CASK: variants seen among roughly 807,000 people sequenced by gnomAD.
CASK encodes the protein peripheral plasma membrane protein CASK.
CASK carries 4 observed loss-of-function variants against 82.9 expected under a neutral mutation model. That is an observed-to-expected ratio of 0.05 (90% confidence interval 0.02 to 0.11). CASK has a LOEUF of 0.11. CASK is among the 10% of genes least tolerant of loss of function. The pLI, the probability that CASK is intolerant of heterozygous loss-of-function variation, is 1.00. For missense variants in CASK, 358 were observed against 720.9 expected, an observed-to-expected ratio of 0.50 and a Z score of 5.76; for synonymous variants, 259 against 253.5, an observed-to-expected ratio of 1.02 and a Z score of -0.20.
At chrX:41,560,484 A>G (rs1352573764) in intron 17 of CASK, among the ~76,000 whole-genome samples, 1 of 104,941 alleles carries the variant, frequency 9.5e-6, no homozygotes, top group Non-Finnish European at 2.0e-5. Context: ...GGCTGGTCTC[A>G]AACTCCCGAC....
chrX:41,586,707 A>C, intron 14 of CASK, 200 bp downstream of exon 14: 1 of 406,085 alleles, frequency 2.5e-6, no homozygotes, highest in Non-Finnish European at 4.3e-6. Context: ...CACTTCACCA[A>C]GAGTATCTTT....
intron 1 of CASK, among the ~76,000 whole-genome samples, chrX:41,922,413 T>C (rs139049744): frequency 0.021 from 2,387 of 111,247 alleles, 35 homozygotes; most frequent in Admixed American, 0.05. Context: ...AGGAGGGAAT[T>C]TGCTGAAACT....
intron 1 of CASK, among the ~76,000 whole-genome samples, chrX:41,877,334 A>G (rs2071845375): frequency 1.8e-5 from 2 of 111,672 alleles, no homozygotes; most frequent in African/African-American, 6.5e-5. Flanking sequence ...CTTTGTACAG[A>G]TGAGTAACTT....
chrX:41,696,724 C>T (rs1374863640), intron 5 of CASK: 2 of 1,204,395 alleles, frequency 1.7e-6, no homozygotes, highest in Non-Finnish European at 2.2e-6. Context: ...CCAGGATACT[C>T]CCTGCATGAT....
chrX:41,846,782 C>T (rs545205199), intron 2 of CASK, among the ~76,000 whole-genome samples: 8 of 111,773 alleles, frequency 7.2e-5, no homozygotes, highest in African/African-American at 2.6e-4. Context: ...TAAATAACTA[C>T]GTTTAGTATT....
chrX:41,656,437 G>T (rs982759279), intron 8 of CASK, among the ~76,000 whole-genome samples: 6 of 111,976 alleles, frequency 5.4e-5, no homozygotes, highest in African/African-American at 1.9e-4. Context: ...AAAAAAGCCA[G>T]AACAGAAGAT....
chrX:41,680,819 G>A (rs1275896907), intron 5 of CASK, among the ~76,000 whole-genome samples: 2 of 110,519 alleles, frequency 1.8e-5, no homozygotes, highest in African/African-American at 6.6e-5. Flanking sequence ...GGAGGCTGAG[G>A]CAGGAGAATC....
intron 24 of CASK, among the ~76,000 whole-genome samples, chrX:41,534,228 A>G (rs1170069703): frequency 8.9e-6 from 1 of 111,824 alleles, no homozygotes; most frequent in Non-Finnish European, 1.9e-5. Context: ...AAGTGGTAAG[A>G]AATCAACAAT....
chrX:41,774,385 G>C (rs1341113281), intron 3 of CASK, among the ~76,000 whole-genome samples: 2 of 111,591 alleles, frequency 1.8e-5, no homozygotes, highest in Non-Finnish European at 3.8e-5. Flanking sequence ...TACAAGGGAC[G>C]TGAAGGACAA....
intron 5 of CASK, among the ~76,000 whole-genome samples, chrX:41,686,701 CATT>C (rs1238156692): frequency 1.8e-5 from 2 of 111,793 alleles, no homozygotes; most frequent in Non-Finnish European, 3.8e-5. Flanking sequence ...CAATCAGCAT[CATT>C]GAGTGTTTGT....
At chrX:41,696,028 C>T (rs2067682329) in intron 5 of CASK, 4 of 1,209,856 alleles carry the variant, frequency 3.3e-6, no homozygotes, top group Non-Finnish European at 4.5e-6. Flanking sequence ...GTTGTGGGAA[C>T]ACTGTTTTAT....
intron 25 of CASK, among the ~76,000 whole-genome samples, chrX:41,525,562 T>G (rs1331442324): frequency 9.0e-6 from 1 of 111,507 alleles, no homozygotes; most frequent in East Asian, 2.8e-4. Context: ...CCCCAGGGAC[T>G]AGCGGGTACC....
intron 21 of CASK, among the ~76,000 whole-genome samples, chrX:41,550,345 G>A (rs2065079526): frequency 9.0e-6 from 1 of 110,876 alleles, no homozygotes; most frequent in African/African-American, 3.3e-5. Context: ...CCATACTGCT[G>A]CATATATCAA....
intron 21 of CASK, among the ~76,000 whole-genome samples, chrX:41,550,426 C>A (rs1343038051): frequency 9.0e-6 from 1 of 111,086 alleles, no homozygotes; most frequent in Admixed American, 9.6e-5. Flanking sequence ...GATCTATTTA[C>A]CCACTGATGA....
At chrX:41,633,615 T>A (rs967733876) in intron 9 of CASK, among the ~76,000 whole-genome samples, 2 of 110,033 alleles carry the variant, frequency 1.8e-5, no homozygotes, top group Non-Finnish European at 3.8e-5. Flanking sequence ...TATTTTTTTT[T>A]AATGAAGTAT....
At chrX:41,806,613 T>C (rs775832757) in intron 2 of CASK, among the ~76,000 whole-genome samples, 2 of 112,170 alleles carry the variant, frequency 1.8e-5, no homozygotes, top group East Asian at 2.8e-4. Context: ...AAATGAGATT[T>C]TGAAAAATTT....
At chrX:41,896,875 T>C (rs1038771722) in intron 1 of CASK, among the ~76,000 whole-genome samples, 5 of 112,013 alleles carry the variant, frequency 4.5e-5, no homozygotes, top group Admixed American at 9.5e-5. Context: ...TATCAAACAC[T>C]AGATTTTATT....
chrX:41,902,569 A>G (rs2072402595), intron 1 of CASK, among the ~76,000 whole-genome samples: 1 of 112,310 alleles, frequency 8.9e-6, no homozygotes, highest in South Asian at 3.7e-4. Flanking sequence ...AGATCTGCAA[A>G]GATCCTTTTA....
At chrX:41,559,551 A>G (rs1321180272) in intron 18 of CASK, 2 of 409,590 alleles carry the variant, frequency 4.9e-6, no homozygotes, top group East Asian at 7.8e-5. Flanking sequence ...CATTTTGCTC[A>G]GATTTCAGCC....
Sources: allele counts gnomAD v4.1 joint callset (sites outside exome capture counted in the v4.1 genomes callset), GRCh38; gene constraint gnomAD v4.1.1; transcripts MANE v1.5; gene names NCBI Gene and HGNC (gene_info 2026-07-23, HGNC 2026-07-21).